SDK1: variants seen among roughly 807,000 people sequenced by gnomAD.
The protein encoded by SDK1 is sidekick cell adhesion molecule 1.
Under a neutral mutation model 245.5 loss-of-function variants are expected in SDK1, and 157 were observed. The observed-to-expected ratio is 0.64, with a 90% confidence interval of 0.56 to 0.73. The LOEUF is 0.73. Ranked by LOEUF, SDK1 falls within the 30% of genes least tolerant of loss-of-function variation. The probability of loss-of-function intolerance (pLI) is 0.00; values close to 1 mark genes in which losing one functional copy is unlikely to be tolerated. For synonymous variants in SDK1, 1,647 were observed against 1,278.5 expected (o/e 1.29, Z -6.15); for missense variants, 3,583 against 3,002.3 (o/e 1.19, Z -4.52).
intron 35 of SDK1, among the ~76,000 whole-genome samples, chr7:4,194,137 C>G (rs947352772): frequency 6.6e-6 from 1 of 152,026 alleles, no homozygotes. Context: ...TAGAACCACT[C>G]CTGGTACCAA....
rs200031918 is a variant in SDK1, at chr7:3,884,083, G to T, written c.847+62500G>T. On this transcript the variant is annotated intron_variant, in intron 5 of 44. Coordinates refer to ENST00000404826, the MANE Select transcript of SDK1 (RefSeq NM_152744.4). ...TTGTTTTTTGTTTGTTTGTTTTTTT[G>T]TTTTTTTTTTTTTTTGAGACAGGGT... Among the ~76,000 whole-genome samples the T allele has an allele frequency of 2.3e-3, 314 of 136,168 alleles. 2 individuals carry two copies. The highest frequency in any genetic ancestry group is 8.3e-3 in the East Asian group (39 of 4,706). 89.3% of individuals were successfully genotyped at this position (136,168 alleles called of 152,430 possible). A position where few individuals can be genotyped will look rare whatever the true frequency, so the allele number is the denominator to read the frequency against.
intron 19 of SDK1, among the ~76,000 whole-genome samples, chr7:4,063,597 CA>C (rs35423286): frequency 6.4e-4 from 80 of 125,072 alleles, no homozygotes; most frequent in East Asian, 2.4e-3. Context: ...ACAGAAATAG[CA>C]AAAAAAAAAA....
Position 3,468,404 on chromosome 7 carries a change from G to A in SDK1, c.299-150676G>A, listed in dbSNP as rs951698158. 2.6e-5 allele frequency among the ~76,000 whole-genome samples: 4 copies of A among 152,010 alleles called. No homozygotes were observed. In the East Asian group the frequency reaches 7.7e-4, roughly 29 times the overall value. On this transcript the variant is annotated intron_variant, in intron 1 of 44. Coordinates refer to ENST00000404826, the MANE Select transcript of SDK1 (RefSeq NM_152744.4). ...CTTCTCCTGCCCTCCTGTCTCAGTCGCATTCTCCCCCGAATCTACCCATAG... is the reference window on the plus strand; with the variant it reads ...CTTCTCCTGCCCTCCTGTCTCAGTCACATTCTCCCCCGAATCTACCCATAG...
At chr7:3,961,601 G>A (rs80116159) in intron 8 of SDK1, among the ~76,000 whole-genome samples, 7,866 of 152,248 alleles carry the variant, frequency 0.052, 290 homozygotes, top group Non-Finnish European at 0.074. Context: ...ATCCACAATG[G>A]AATACCTCTT....
intron 1 of SDK1, among the ~76,000 whole-genome samples, chr7:3,581,008 C>A (rs1393236409): frequency 7.8e-6 from 1 of 128,336 alleles, no homozygotes; most frequent in Admixed American, 8.4e-5. Flanking sequence ...AAACAAAACC[C>A]TGGAAGACAA....
intron 5 of SDK1, among the ~76,000 whole-genome samples, chr7:3,947,862 A>G (rs1780642009): frequency 6.6e-6 from 1 of 152,148 alleles, no homozygotes; most frequent in South Asian, 2.1e-4. Context: ...GATGCCTATA[A>G]TTTAAAGACA....
At chr7:3,507,625 C>T (rs748449448) in intron 1 of SDK1, among the ~76,000 whole-genome samples, 1 of 152,142 alleles carries the variant, frequency 6.6e-6, no homozygotes, top group Non-Finnish European at 1.5e-5. Context: ...TGTTTCCATC[C>T]TTGCTGTACT....
chr7:3,828,352 A>G (rs1456766773), intron 5 of SDK1, among the ~76,000 whole-genome samples: 4 of 151,988 alleles, frequency 2.6e-5, no homozygotes, highest in Non-Finnish European at 5.9e-5. Context: ...AATTTAAAAA[A>G]TTGAGAGATA....
At chr7:4,166,312 G>A (rs532166849) in intron 32 of SDK1, among the ~76,000 whole-genome samples, 3 of 152,360 alleles carry the variant, frequency 2.0e-5, no homozygotes, top group African/African-American at 7.2e-5. Flanking sequence ...ATGGAGTGCT[G>A]AGTTCCAGAG....
In SDK1 at chr7:3,382,497, C is replaced by T. The variant is rs574645431; in HGVS notation, c.298+80613C>T. 5.3e-5 allele frequency among the ~76,000 whole-genome samples: 8 copies of T among 152,280 alleles called. 1 individual carries two copies. Among genetic ancestry groups the T allele is most frequent in the African/African-American group, 1.9e-4 (8 of 41,550 alleles). ...GTCTCTACCTAATACACTTCCTCAC[C>T]TCAATCATTGCCAAGGTCAGTGGAC... On this transcript the variant is annotated intron_variant, in intron 1 of 44. Transcript: ENST00000404826.
intron 5 of SDK1, among the ~76,000 whole-genome samples, chr7:3,885,533 C>G (rs192912414): frequency 6.6e-6 from 1 of 152,160 alleles, no homozygotes; most frequent in African/African-American, 2.4e-5. Context: ...AAGTCGGCCC[C>G]GTCTAGCACC....
chr7:3,951,062 C>G (rs561610815), intron 6 of SDK1, 28 bp downstream of exon 6: 47 of 1,474,498 alleles, frequency 3.2e-5, no homozygotes, highest in Middle Eastern at 1.7e-4. Flanking sequence ...TGTGAGACTC[C>G]TAGTAAATAT....
intron 5 of SDK1, among the ~76,000 whole-genome samples, chr7:3,945,899 T>TAAACAAAAAAAA (rs1780557064): frequency 7.3e-5 from 1 of 13,678 alleles, no homozygotes; most frequent in African/African-American, 1.6e-4. Context: ...ACTCTGTCTG[T>TAAACAAAAAAAA]AAAAAAAAAA....
At position 3,648,878 on chromosome 7, in the gene SDK1, C is replaced by T. The variant is rs181456897; in HGVS notation, c.713+6773C>T. ...GGGAAAATTACTTATTCTCCCTTTG[C>T]CTCCATTTTGCCATGTCGATGAAAA... is the stretch of plus-strand genomic sequence containing the variant. On this transcript the variant is annotated intron_variant, in intron 4 of 44. Coordinates refer to ENST00000404826, the MANE Select transcript of SDK1 (RefSeq NM_152744.4). 4.3e-3 allele frequency among the ~76,000 whole-genome samples: 660 copies of T among 152,272 alleles called. 4 individuals carry two copies. Among genetic ancestry groups the T allele is most frequent in the African/African-American group, 0.015 (629 of 41,540 alleles).
chr7:3,781,924 C>G (rs1201040949), intron 4 of SDK1, among the ~76,000 whole-genome samples: 2 of 152,132 alleles, frequency 1.3e-5, no homozygotes, highest in Non-Finnish European at 2.9e-5. Context: ...GTTATGAACA[C>G]TGTCAAGAGA....
At chr7:3,693,322 C>T (rs908465097) in intron 4 of SDK1, among the ~76,000 whole-genome samples, 4 of 152,176 alleles carry the variant, frequency 2.6e-5, no homozygotes, top group East Asian at 1.9e-4. Context: ...AAATCCCTCT[C>T]GTTATTTGGT....
intron 4 of SDK1, among the ~76,000 whole-genome samples, chr7:3,687,481 C>T (rs541442236): frequency 6.6e-6 from 1 of 152,342 alleles, no homozygotes; most frequent in Non-Finnish European, 1.5e-5. Flanking sequence ...AAATGTCCCT[C>T]AGCTGGTAAC....
intron 4 of SDK1, among the ~76,000 whole-genome samples, chr7:3,764,052 A>G (rs1780181296): frequency 6.6e-6 from 1 of 152,174 alleles, no homozygotes; most frequent in Admixed American, 6.5e-5. Flanking sequence ...GGATTTGTGG[A>G]TGGTCTGGAA....
intron 1 of SDK1, among the ~76,000 whole-genome samples, chr7:3,528,721 T>G (rs1470547986): frequency 2.0e-5 from 3 of 152,012 alleles, no homozygotes; most frequent in Non-Finnish European, 4.4e-5. Flanking sequence ...ACACAGGACT[T>G]GATAATGGAT....
Sources: gnomAD v4.1 joint callset for allele counts (sites outside exome capture counted in the v4.1 genomes callset) on GRCh38, gnomAD v4.1.1 for gene constraint, MANE v1.5 for transcripts, NCBI Gene and HGNC (gene_info 2026-07-23, HGNC 2026-07-21) for gene names.